The following NF1 variants were observed in gnomAD, a reference collection of about 807,000 sequenced individuals.
NF1 encodes neurofibromin.
Under a neutral mutation model 325.7 loss-of-function variants are expected in NF1, and 122 were observed. The ratio of observed to expected loss-of-function variants is 0.37; its 90% CI spans 0.32 to 0.44. The LOEUF is 0.44. NF1 is among the 20% of genes least tolerant of loss of function. The pLI is 1.00. For missense variants in NF1, 2,140 were observed against 3,415.4 expected (o/e 0.63, Z 9.31); for synonymous variants, 1,091 against 1,186.0 (o/e 0.92, Z 1.65).
In NF1 at chr17:31,353,081, G is replaced by A. The variant is rs17879803; in HGVS notation, c.7615+667G>A. Among the ~76,000 whole-genome samples the A allele has an allele frequency of 7.9e-5, 12 of 152,028 alleles. No homozygotes were observed. In the East Asian group the frequency reaches 2.1e-3, roughly 27 times the overall value. On this transcript the variant is annotated intron_variant, in intron 51 of 57. Transcript: ENST00000358273. ...ACGTCACCACATCTGGCTAACTTTT[G>A]TATTTTTAGTAGAGACAGAGTTTCA...
At position 31,349,086 on chromosome 17, in the gene NF1, CTTG is replaced by C. The variant is rs915302894; in HGVS notation, c.7190-31_7190-29del. ...TGCTTGTTCAAAAAATTAATTCTTA[CTTG>C]TTTGTTTGTTTGTTTGTTTGTTTTT... On this transcript the variant is annotated intron_variant, in intron 48 of 57. Coordinates refer to ENST00000358273, the MANE Select transcript of NF1 (RefSeq NM_001042492.3). The C allele has an allele frequency of 5.8e-6, 9 of 1,550,828 alleles. No homozygotes were observed. In the African/African-American group the frequency reaches 1.1e-4, roughly 19 times the overall value.
chr17:31,095,519 T>A, intron 1 of NF1, 150 bp downstream of exon 1: 1 of 212,758 alleles, frequency 4.7e-6, no homozygotes, highest in Non-Finnish European at 8.6e-6. Context: ...GGGGGATAAG[T>A]GGGGGTGGCC....
intron 16 of NF1, among the ~76,000 whole-genome samples, chr17:31,224,669 C>T (rs1303549405): frequency 6.6e-6 from 1 of 152,104 alleles, no homozygotes; most frequent in Non-Finnish European, 1.5e-5. Flanking sequence ...GGTGTATATA[C>T]ATACCAGAGT....
At chr17:31,312,056 A>AT (rs550188584) in intron 36 of NF1, among the ~76,000 whole-genome samples, 1,875 of 150,250 alleles carry the variant, frequency 0.012, 23 homozygotes, top group Admixed American at 0.035. Flanking sequence ...TTTTGTGGTG[A>AT]TTTTTTTTTT....
chr17:31,365,955 G>C (rs2070510741), intron 57 of NF1, among the ~76,000 whole-genome samples: 1 of 136,654 alleles, frequency 7.3e-6, no homozygotes, highest in Non-Finnish European at 1.5e-5. Flanking sequence ...TTTTTTTTGA[G>C]ATGGAGTCTT....
rs543312374 is a variant in NF1 at position 31,362,676 on chromosome 17, G to T, written c.8377+1973G>T. ...AACAGAAGTTGAAAAGTTTTTAAAA[G>T]TCTGCTTCATCTTAACCAAGCTTTT... On this transcript the variant is annotated intron_variant, in intron 57 of 57. Transcript: ENST00000358273. 4.6e-5 allele frequency among the ~76,000 whole-genome samples: 7 copies of T among 152,264 alleles called. No individual in the cohort carries two copies. The South Asian group carries it at 1.5e-3, about 32-fold the overall frequency.
chr17:31,142,596 T>C (rs2952984), intron 1 of NF1, among the ~76,000 whole-genome samples: 86,805 of 152,004 alleles, frequency 0.57, 27,298 homozygotes, highest in Middle Eastern at 0.79. Flanking sequence ...GGCCGGGCAC[T>C]GTGGCTCATG....
At chr17:31,174,252 C>T (rs2065980456) in intron 5 of NF1, among the ~76,000 whole-genome samples, 4 of 152,204 alleles carry the variant, frequency 2.6e-5, no homozygotes, top group South Asian at 2.1e-4. Context: ...CTGTTACTTG[C>T]GTTAAAATGC....
At chr17:31,342,706 G>A (rs1357505488) in intron 47 of NF1, among the ~76,000 whole-genome samples, 2 of 152,208 alleles carry the variant, frequency 1.3e-5, no homozygotes, top group African/African-American at 2.4e-5. Context: ...TGGATGCTAG[G>A]CATCAGAGTT....
chr17:31,305,170 G>A lies in NF1; in HGVS notation c.4836-20650G>A, dbSNP rs139629091. 50 of 1,614,172 alleles carry A rather than the reference G, an allele frequency of 3.1e-5. No homozygotes were observed. In the African/African-American group the frequency reaches 5.6e-4, roughly 18 times the overall value. ...GATCTGGACAGATGATGATTGTTGA[G>A]TAAAAGTATAGACAAATGACTTTGG... On this transcript the variant is annotated intron_variant, in intron 36 of 57. Coordinates refer to ENST00000358273, the MANE Select transcript of NF1 (RefSeq NM_001042492.3).
chr17:31,228,198 T>C (rs1418952319), intron 20 of NF1, among the ~76,000 whole-genome samples: 1 of 152,244 alleles, frequency 6.6e-6, no homozygotes, highest in Non-Finnish European at 1.5e-5. Flanking sequence ...CTATTGACTA[T>C]ATTATCTGTT....
At chr17:31,112,372 G>C (rs920385078) in intron 1 of NF1, among the ~76,000 whole-genome samples, 1 of 152,164 alleles carries the variant, frequency 6.6e-6, no homozygotes, top group East Asian at 1.9e-4. Context: ...AGGCCACCAA[G>C]CTGTTCCTAA....
intron 36 of NF1, among the ~76,000 whole-genome samples, chr17:31,267,711 C>T (rs1046173911): frequency 3.3e-5 from 5 of 152,104 alleles, no homozygotes; most frequent in Admixed American, 1.3e-4. Context: ...ATTTCCTTAT[C>T]GATGGTCCAC....
At chr17:31,241,507 C>CATCT (rs2067296641) in intron 29 of NF1, among the ~76,000 whole-genome samples, 1 of 151,858 alleles carries the variant, frequency 6.6e-6, no homozygotes, top group Admixed American at 6.6e-5. Context: ...ATTTTTTGTG[C>CATCT]ATCTGTTGTA....
rs398100472 is a variant in NF1, at chr17:31,336,596, GT to G, written c.6148-28del. ...TTTGTGCTAAAACTTTGAGTCCCAT[GT>G]TTTTTTTTTTAAAAAAAAAAATCCT... On this transcript the variant is annotated intron_variant, in intron 41 of 57. Transcript: ENST00000358273. The surrounding 1 kb of genome is among the most constrained non-coding windows in gnomAD (Gnocchi z 5.5). The G allele has an allele frequency of 0.038, 39,200 of 1,045,048 alleles. 11 individuals carry two copies. The highest frequency in any genetic ancestry group is 0.042 in the Non-Finnish European group (31,871 of 765,992). The allele number at this position is 1,045,048 out of a possible 1,614,324, so 64.7% of individuals were successfully genotyped here.
At chr17:31,197,914 T>G (rs1485155352) in intron 8 of NF1, among the ~76,000 whole-genome samples, 2 of 152,214 alleles carry the variant, frequency 1.3e-5, no homozygotes, top group Non-Finnish European at 1.5e-5. Context: ...CTTTCACTAT[T>G]GAGTATGTTG....
chr17:31,339,646 C>G (rs1468051187), intron 46 of NF1, among the ~76,000 whole-genome samples: 1 of 152,158 alleles, frequency 6.6e-6, no homozygotes, highest in Non-Finnish European at 1.5e-5. Flanking sequence ...GGCTAAATAA[C>G]TTGCCCAAAG....
At position 31,297,826 on chromosome 17, in the gene NF1, G is replaced by A. The variant is rs114895854; in HGVS notation, c.4836-27994G>A. Among the ~76,000 whole-genome samples the A allele has an allele frequency of 9.4e-3, 1,435 of 152,202 alleles. 24 individuals carry two copies. Among genetic ancestry groups the A allele is most frequent in the African/African-American group, 0.033 (1,351 of 41,542 alleles). On this transcript the variant is annotated intron_variant, in intron 36 of 57. Coordinates refer to ENST00000358273, the MANE Select transcript of NF1 (RefSeq NM_001042492.3). The stretch of plus-strand genomic sequence containing the variant: ...AGTGTTCCGTCTTCCCTTTTAGGAT[G>A]TATAGAAGTACTGAAATACGATTAT...
intron 36 of NF1, chr17:31,318,974 G>A (rs1447229843): frequency 6.2e-7 from 1 of 1,612,638 alleles, no homozygotes; most frequent in South Asian, 1.1e-5. Flanking sequence ...AGAAAGGCAA[G>A]ATGTAGGTAA....
Sources: allele counts gnomAD v4.1 joint callset (sites outside exome capture counted in the v4.1 genomes callset), GRCh38; gene constraint gnomAD v4.1.1; non-coding constraint Gnocchi (gnomAD v3.1); transcripts MANE v1.5; gene names NCBI Gene and HGNC (gene_info 2026-07-23, HGNC 2026-07-21).